The following NALF1 variants were observed in gnomAD, a reference collection of about 807,000 sequenced individuals.
NALF1 encodes NALCN channel auxiliary factor 1, also known as family with sequence similarity 155 member A.
NALF1 carries 3 observed loss-of-function variants against 48.4 expected under a neutral mutation model. The ratio of observed to expected loss-of-function variants is 0.06; its 90% CI spans 0.03 to 0.16. The LOEUF is 0.16. Ranked by LOEUF, NALF1 falls within the 10% of genes least tolerant of loss-of-function variation. The pLI, the probability that NALF1 is intolerant of heterozygous loss-of-function variation, is 1.00. For missense variants in NALF1, 526 were observed against 571.5 expected, an observed-to-expected ratio of 0.92 and a Z score of 0.81; for synonymous variants, 262 against 245.7, an observed-to-expected ratio of 1.07 and a Z score of -0.62.
intron 1 of NALF1, among the ~76,000 whole-genome samples, chr13:107,435,511 T>A (rs1205203266): frequency 6.6e-6 from 1 of 152,180 alleles, no homozygotes; most frequent in African/African-American, 2.4e-5. Context: ...TAAAAGTTTA[T>A]CTTCCACTCA....
At chr13:107,179,547 A>G (rs12867563) in intron 2 of NALF1, among the ~76,000 whole-genome samples, 64,557 of 151,522 alleles carry the variant, frequency 0.43, 13,953 homozygotes, top group Middle Eastern at 0.5. Flanking sequence ...AAGAATAAAT[A>G]CTTGAGGGGG....
chr13:107,551,869 G>A (rs1186308382), intron 1 of NALF1, among the ~76,000 whole-genome samples: 1 of 152,084 alleles, frequency 6.6e-6, no homozygotes, highest in East Asian at 1.9e-4. Context: ...ACCTCTTAGA[G>A]TTATTCTTCA....
intron 1 of NALF1, among the ~76,000 whole-genome samples, chr13:107,795,606 C>A (rs1878397587): frequency 6.6e-6 from 1 of 152,130 alleles, no homozygotes; most frequent in African/African-American, 2.4e-5. Flanking sequence ...TTTGTTCTTG[C>A]AGGATCTCCA....
chr13:107,755,572 G>A (rs1183501054), intron 1 of NALF1, among the ~76,000 whole-genome samples: 5 of 149,306 alleles, frequency 3.3e-5, no homozygotes, highest in Non-Finnish European at 7.4e-5. Context: ...CTAGATTCTA[G>A]AGGCCCAGAA....
intron 1 of NALF1, among the ~76,000 whole-genome samples, chr13:107,620,073 G>T (rs1414896632): frequency 6.6e-6 from 1 of 152,000 alleles, no homozygotes; most frequent in East Asian, 1.9e-4. Context: ...CTTTTATCAG[G>T]CCTTTTAAAC....
At chr13:107,451,044 G>T (rs557076827) in intron 1 of NALF1, among the ~76,000 whole-genome samples, 1 of 152,134 alleles carries the variant, frequency 6.6e-6, no homozygotes, top group Non-Finnish European at 1.5e-5. Flanking sequence ...GAAACCAGCC[G>T]CCCTGTAGAT....
chr13:107,177,662 T>C (rs1033768965), intron 2 of NALF1, among the ~76,000 whole-genome samples: 1 of 152,170 alleles, frequency 6.6e-6, no homozygotes, highest in Non-Finnish European at 1.5e-5. Context: ...GACTCTTCAA[T>C]AAATGGTGCC....
chr13:107,252,483 G>C (rs1209609477), intron 1 of NALF1, among the ~76,000 whole-genome samples: 1 of 151,156 alleles, frequency 6.6e-6, no homozygotes, highest in African/African-American at 2.4e-5. Context: ...GAAAGAGAGA[G>C]AGGAGAAGGA....
intron 1 of NALF1, among the ~76,000 whole-genome samples, chr13:107,427,144 A>C (rs727941): frequency 0.092 from 13,914 of 151,682 alleles, 1,579 homozygotes; most frequent in African/African-American, 0.28. Flanking sequence ...ATTTTAAAAA[A>C]TAGGCATATT....
At chr13:107,498,268 C>G (rs1313865545) in intron 1 of NALF1, among the ~76,000 whole-genome samples, 1 of 150,576 alleles carries the variant, frequency 6.6e-6, no homozygotes, top group Non-Finnish European at 1.5e-5. Flanking sequence ...TCATGTCAAA[C>G]CGTAGAAAGT....
chr13:107,798,268 G>A (rs1010579638), intron 1 of NALF1, among the ~76,000 whole-genome samples: 21 of 152,088 alleles, frequency 1.4e-4, no homozygotes, highest in African/African-American at 5.1e-4. Flanking sequence ...ACTTTTCAGA[G>A]GGCACAATTA....
chr13:107,496,949 A>C (rs1054032919), intron 1 of NALF1, among the ~76,000 whole-genome samples: 1 of 152,214 alleles, frequency 6.6e-6, no homozygotes, highest in African/African-American at 2.4e-5. Flanking sequence ...TAAGAATTCA[A>C]GATGAGATTT....
intron 1 of NALF1, among the ~76,000 whole-genome samples, chr13:107,359,407 A>T (rs1883021982): frequency 6.6e-6 from 1 of 152,186 alleles, no homozygotes; most frequent in Non-Finnish European, 1.5e-5. Flanking sequence ...TGCATTATCT[A>T]GCCATATTTA....
chr13:107,510,690 C>T (rs1383258318), intron 1 of NALF1, among the ~76,000 whole-genome samples: 6 of 152,106 alleles, frequency 3.9e-5, no homozygotes, highest in Admixed American at 2.6e-4. Context: ...TGATACTCTG[C>T]GGCTGAACTC....
chr13:107,567,318 G>T (rs978377376), intron 1 of NALF1, among the ~76,000 whole-genome samples: 5 of 151,884 alleles, frequency 3.3e-5, no homozygotes, highest in Non-Finnish European at 7.4e-5. Flanking sequence ...AATTTATGAC[G>T]ATCTCATCTA....
At chr13:107,784,889 C>G (rs1878023938) in intron 1 of NALF1, among the ~76,000 whole-genome samples, 1 of 152,102 alleles carries the variant, frequency 6.6e-6, no homozygotes, top group Non-Finnish European at 1.5e-5. Flanking sequence ...ATCCAGCAAT[C>G]CCACTACCGG....
intron 1 of NALF1, among the ~76,000 whole-genome samples, chr13:107,583,421 G>A (rs1878369735): frequency 6.6e-6 from 1 of 151,968 alleles, no homozygotes; most frequent in Non-Finnish European, 1.5e-5. Context: ...ATATGATTTG[G>A]TAAAAGAGGC....
At chr13:107,319,886 G>A (rs1465366861) in intron 1 of NALF1, among the ~76,000 whole-genome samples, 2 of 152,094 alleles carry the variant, frequency 1.3e-5, no homozygotes, top group African/African-American at 2.4e-5. Flanking sequence ...TGGGTGAAAA[G>A]AGCCACCACT....
chr13:107,220,219 C>G (rs1879960873), intron 1 of NALF1, among the ~76,000 whole-genome samples: 1 of 152,220 alleles, frequency 6.6e-6, no homozygotes, highest in Admixed American at 6.5e-5. Context: ...CAGCAGCTAA[C>G]ACCACACTAT....
Sources: allele counts gnomAD v4.1 joint callset (sites outside exome capture counted in the v4.1 genomes callset), GRCh38; gene constraint gnomAD v4.1.1; transcripts MANE v1.5; gene names NCBI Gene and HGNC (gene_info 2026-07-23, HGNC 2026-07-21).